Variants in FAM204A observed in about 807,000 individuals in gnomAD.
The protein encoded by FAM204A is protein FAM204A.
A neutral mutation model predicts 35.4 loss-of-function variants in FAM204A; 16 were observed. That is an observed-to-expected ratio of 0.45 (90% CI 0.31 to 0.69). The LOEUF is 0.69. Ranked by LOEUF, FAM204A falls within the 30% of genes least tolerant of loss-of-function variation. FAM204A has a pLI of 0.07. For missense variants in FAM204A, 240 were observed against 265.7 expected (o/e 0.90, Z 0.67); for synonymous variants, 76 against 86.9 (o/e 0.88, Z 0.70).
At chr10:118,313,231 C>A (rs1273216059) in intron 7 of FAM204A, among the ~76,000 whole-genome samples, 1 of 152,072 alleles carries the variant, frequency 6.6e-6, no homozygotes, top group Admixed American at 6.6e-5. Context: ...ATATCCAAAT[C>A]TCACTAGCTA....
Position 118,302,709 on chromosome 10 carries a change from C to CTAG in FAM204A, c.*8145_*8147dup, listed in dbSNP as rs1167194037. On this transcript the variant is annotated 3_prime_UTR_variant, in exon 9 of 9. Coordinates refer to ENST00000369183, the MANE Select transcript of FAM204A (RefSeq NM_022063.3). ...TTTTTTGGAAAATGGAAGTAATGTA[C>CTAG]TAGTACAGGCAGTCTGTTTGGGAAT... 2 of 152,162 alleles carry CTAG rather than the reference C, an allele frequency of 1.3e-5. No homozygotes were observed. Among genetic ancestry groups the CTAG allele is most frequent in the South Asian group, 2.1e-4 (1 of 4,828 alleles). The allele number at this position is 152,162 out of a possible 1,614,324, so 9.4% of individuals were successfully genotyped here. A position where few individuals can be genotyped will look rare whatever the true frequency, so the allele number is the denominator to read the frequency against.
chr10:118,333,125 G>A (rs1436162623), intron 6 of FAM204A, among the ~76,000 whole-genome samples: 3 of 152,138 alleles, frequency 2.0e-5, no homozygotes, highest in Admixed American at 2.0e-4. Flanking sequence ...GCTGTAAACA[G>A]ACATTCTTGG....
rs992562059 is a variant in FAM204A, at chr10:118,308,796, C to T, written c.*2061G>A. On this transcript the variant is annotated 3_prime_UTR_variant, in exon 9 of 9. Transcript: ENST00000369183. The stretch of plus-strand genomic sequence containing the variant: ...GCTGGACAGGATCCCAAGTCAGACC[C>T]TACAGGAGGCCACTCTGGCAAGGCT... 1.3e-5 allele frequency: 2 copies of T among 152,058 alleles called. No homozygotes were observed. The highest frequency in any genetic ancestry group is 1.3e-4 in the Admixed American group (2 of 15,244). The allele number at this position is 152,058 out of a possible 1,614,324, so 9.4% of individuals were successfully genotyped here.
At position 118,304,874 on chromosome 10, in the gene FAM204A, C is replaced by T. The variant is rs1048325178; in HGVS notation, c.*5983G>A. 2 of 152,184 alleles carry T rather than the reference C, an allele frequency of 1.3e-5. No individual in the cohort carries two copies. The highest frequency in any genetic ancestry group is 2.9e-5 in the Non-Finnish European group (2 of 68,026). 9.4% of individuals were successfully genotyped at this position (152,184 alleles called of 1,614,324 possible). On this transcript the variant is annotated 3_prime_UTR_variant, in exon 9 of 9. Transcript: ENST00000369183. ...TCAGCAAAATGTAAAGTTACTACAT[C>T]GTATGTGATTGAGGCAATGTGGCAG...
At chr10:118,333,978 C>A (rs183982459) in intron 6 of FAM204A, among the ~76,000 whole-genome samples, 1 of 152,286 alleles carries the variant, frequency 6.6e-6, no homozygotes, top group East Asian at 1.9e-4. Context: ...CTATTACACA[C>A]AGGATACAAT....
At position 118,336,418 on chromosome 10, in the gene FAM204A, T is replaced by C. The variant is rs1183335552; in HGVS notation, c.-3A>G. 7 of 1,604,040 alleles carry C rather than the reference T, an allele frequency of 4.4e-6. No homozygotes were observed. Among genetic ancestry groups the C allele is most frequent in the Non-Finnish European group, 6.0e-6 (7 of 1,176,158 alleles). On this transcript the variant is annotated 5_prime_UTR_variant, in exon 3 of 9. Transcript: ENST00000369183. ...GGAGGTAGCAGCCCACTCCACATCT[T>C]TTCTTCTATGAGGAAAAAGATTAAT...
chr10:118,332,451 T>C (rs1436357472), intron 6 of FAM204A, among the ~76,000 whole-genome samples: 1 of 151,778 alleles, frequency 6.6e-6, no homozygotes, highest in Non-Finnish European at 1.5e-5. Context: ...ACACTCCCCA[T>C]ACCTCTCTCA....
chr10:118,337,776 G>C (rs2133294872), intron 2 of FAM204A, among the ~76,000 whole-genome samples: 1 of 152,280 alleles, frequency 6.6e-6, no homozygotes, highest in Admixed American at 6.5e-5. Flanking sequence ...AGGATTAAAT[G>C]AGATAAGCCC....
At chr10:118,318,587 G>C (rs1387800794) in intron 7 of FAM204A, among the ~76,000 whole-genome samples, 1 of 151,944 alleles carries the variant, frequency 6.6e-6, no homozygotes, top group East Asian at 1.9e-4. Context: ...TAAATTGTTA[G>C]AACAGCTAAT....
intron 6 of FAM204A, among the ~76,000 whole-genome samples, chr10:118,329,934 C>A (rs1846264223): frequency 2.0e-5 from 3 of 152,078 alleles, no homozygotes; most frequent in Middle Eastern, 3.4e-3. Context: ...AATAATGCCC[C>A]TATGGTTAAA....
chr10:118,336,536 C>A, intron 2 of FAM204A, 113 bp from the exon 3 acceptor site: 1 of 936,694 alleles, frequency 1.1e-6, no homozygotes, highest in Non-Finnish European at 1.5e-6. Flanking sequence ...GGGAACAGTC[C>A]ATCTAAACTT....
At chr10:118,322,450 A>C (rs1294541361) in intron 7 of FAM204A, 2 of 451,514 alleles carry the variant, frequency 4.4e-6, no homozygotes, top group Non-Finnish European at 8.9e-6. Context: ...TCATGAGGAA[A>C]CAGCAGACAA....
Position 118,305,764 on chromosome 10 carries a change from G to C in FAM204A, c.*5093C>G, listed in dbSNP as rs769511402. 6.6e-6 allele frequency: 1 copy of C among 152,216 alleles called. No individual in the cohort carries two copies. Among genetic ancestry groups the C allele is most frequent in the Non-Finnish European group, 1.5e-5 (1 of 68,042 alleles). 9.4% of individuals were successfully genotyped at this position (152,216 alleles called of 1,614,324 possible). A position where few individuals can be genotyped will look rare whatever the true frequency, so the allele number is the denominator to read the frequency against. ...TGCATCTGCAAGAGTTAGTTTATCT[G>C]ACATATAGTAGGCATTCAGGAAATG... On this transcript the variant is annotated 3_prime_UTR_variant, in exon 9 of 9. Coordinates refer to ENST00000369183, the MANE Select transcript of FAM204A (RefSeq NM_022063.3).
At chr10:118,320,884 T>C (rs920659738) in intron 7 of FAM204A, among the ~76,000 whole-genome samples, 2 of 85,360 alleles carry the variant, frequency 2.3e-5, no homozygotes, top group African/African-American at 6.8e-5. Context: ...AATACCGTTT[T>C]GTGTGTGTGT....
chr10:118,327,876 T>C (rs1270129434), intron 6 of FAM204A, among the ~76,000 whole-genome samples: 3 of 152,170 alleles, frequency 2.0e-5, no homozygotes, highest in East Asian at 1.9e-4. Context: ...GACAAGAGGA[T>C]TGTTTGAGCC....
At chr10:118,329,091 C>A (rs1438436002) in intron 6 of FAM204A, among the ~76,000 whole-genome samples, 2 of 152,210 alleles carry the variant, frequency 1.3e-5, no homozygotes, top group African/African-American at 2.4e-5. Context: ...CCAACACTTG[C>A]TGCCCTGCTT....
In FAM204A at chr10:118,324,716, A is replaced by G. The variant is rs1328700007; in HGVS notation, c.543+1438T>C. Among the ~76,000 whole-genome samples, 3 of 152,238 alleles carry G rather than the reference A, an allele frequency of 2.0e-5. No individual in the cohort carries two copies. The East Asian group carries it at 5.8e-4, about 29-fold the overall frequency. The stretch of plus-strand genomic sequence containing the variant: ...AATGGGTACAGAGGTTAATGGGTAC[A>G]GAGTTTCAGTTCTGCAAGACAAAAA... On this transcript the variant is annotated intron_variant, in intron 7 of 8. Transcript: ENST00000369183.
chr10:118,309,768 T>C lies in FAM204A; in HGVS notation c.*1089A>G, dbSNP rs1564752578. The C allele has an allele frequency of 6.6e-6, 1 of 152,214 alleles. No homozygotes were observed. The highest frequency in any genetic ancestry group is 2.1e-4 in the South Asian group (1 of 4,826). The allele number at this position is 152,214 out of a possible 1,614,324, so 9.4% of individuals were successfully genotyped here. The stretch of plus-strand genomic sequence containing the variant: ...TCAGTTCTTAGAAGGTTCAAAGTTA[T>C]ATTATCTTGAGTTATAATTGTCTGT... On this transcript the variant is annotated 3_prime_UTR_variant, in exon 9 of 9. Coordinates refer to ENST00000369183, the MANE Select transcript of FAM204A (RefSeq NM_022063.3).
Position 118,306,295 on chromosome 10 carries a change from G to A in FAM204A, c.*4562C>T, listed in dbSNP as rs1845864509. On this transcript the variant is annotated 3_prime_UTR_variant, in exon 9 of 9. Transcript: ENST00000369183. ...GGCACGGGGGAAACCTGGCAGGGGAGCACTTAGGAGCCGAGGTTTCTCTTG... is the reference window on the plus strand; with the variant it reads ...GGCACGGGGGAAACCTGGCAGGGGAACACTTAGGAGCCGAGGTTTCTCTTG... The A allele has an allele frequency of 6.6e-6, 1 of 152,286 alleles. No individual in the cohort carries two copies. Among genetic ancestry groups the A allele is most frequent in the Admixed American group, 6.5e-5 (1 of 15,284 alleles). 9.4% of individuals were successfully genotyped at this position (152,286 alleles called of 1,614,324 possible).
Sources: gnomAD v4.1 joint callset for allele counts (sites outside exome capture counted in the v4.1 genomes callset) on GRCh38, gnomAD v4.1.1 for gene constraint, MANE v1.5 for transcripts, NCBI Gene and HGNC (gene_info 2026-07-23, HGNC 2026-07-21) for gene names.